Variants in EDEM1 observed in about 807,000 individuals in gnomAD.
EDEM1 encodes the protein ER degradation enhancing alpha-mannosidase like protein 1, also known as ER degradation-enhancing alpha-mannosidase-like protein 1.
EDEM1 carries 67 observed loss-of-function variants against 74.4 expected under a neutral mutation model. The observed-to-expected ratio is 0.90, with a 90% CI of 0.74 to 1.10. EDEM1 has a LOEUF of 1.10. Ranked by LOEUF, EDEM1 falls within the 50% of genes least tolerant of loss-of-function variation. The pLI, the probability that EDEM1 is intolerant of heterozygous loss-of-function variation, is 0.00. For missense variants in EDEM1, 926 were observed against 851.6 expected (o/e 1.09, Z -1.09); for synonymous variants, 382 against 335.9 (o/e 1.14, Z -1.50).
intron 1 of EDEM1, among the ~76,000 whole-genome samples, chr3:5,190,827 ACT>A (rs2054893620): frequency 6.6e-6 from 1 of 151,048 alleles, no homozygotes; most frequent in Admixed American, 6.6e-5. Context: ...AATTTTTTGT[ACT>A]CTCCTTCCTT....
Position 5,201,782 on chromosome 3 carries a change from G to GAAT in EDEM1, c.722_724dup (p.Ile241dup), listed in dbSNP as rs773958229. On this transcript the variant is annotated inframe_insertion, in exon 4 of 12. Coordinates refer to ENST00000256497, the MANE Select transcript of EDEM1 (RefSeq NM_014674.3). Reference sequence around the variant, plus strand: ...CTGGGAAGCCTCCTTTCTGCTCACAGAATAATAACTGACTCCAAGCAGCCC... The same window carrying GAAT: ...CTGGGAAGCCTCCTTTCTGCTCACAGAATAATAATAACTGACTCCAAGCAGCCC... The GAAT allele has an allele frequency of 5.7e-5, 92 of 1,613,994 alleles. No homozygotes were observed. The highest frequency in any genetic ancestry group is 7.4e-5 in the Non-Finnish European group (87 of 1,180,030).
At chr3:5,204,142 A>G (rs563319295) in intron 5 of EDEM1, among the ~76,000 whole-genome samples, 6 of 152,356 alleles carry the variant, frequency 3.9e-5, no homozygotes, top group African/African-American at 1.2e-4. Context: ...TTGTCAGCCT[A>G]TCACCAAATA....
chr3:5,199,463 C>G, intron 2 of EDEM1, 129 bp from the exon 3 acceptor site: 1 of 621,432 alleles, frequency 1.6e-6, no homozygotes, highest in Non-Finnish European at 2.8e-6. Context: ...TTTTCTGTCT[C>G]TTGTGTTTCT....
intron 1 of EDEM1, among the ~76,000 whole-genome samples, chr3:5,189,938 G>T (rs1273343033): frequency 3.3e-5 from 5 of 151,492 alleles, no homozygotes; most frequent in African/African-American, 1.2e-4. Context: ...GAATTATTTG[G>T]CTCACTTAAC....
chr3:5,210,365 A>G, intron 9 of EDEM1, 117 bp downstream of exon 9: 1 of 954,684 alleles, frequency 1.0e-6, no homozygotes, highest in East Asian at 2.6e-5. Flanking sequence ...TTAATGTTAC[A>G]TTTACAGGGA....
intron 2 of EDEM1, among the ~76,000 whole-genome samples, chr3:5,199,319 G>A (rs2055007187): frequency 6.6e-6 from 1 of 152,244 alleles, no homozygotes; most frequent in African/African-American, 2.4e-5. Flanking sequence ...CTGGAGAGTG[G>A]AGTTGGGAAG....
Position 5,188,040 on chromosome 3 carries a change from G to T in EDEM1, c.235G>T (p.Ala79Ser). The T allele has an allele frequency of 7.0e-7, 1 of 1,435,866 alleles. No individual in the cohort carries two copies. Among genetic ancestry groups the T allele is most frequent in the South Asian group, 1.5e-5 (1 of 67,314 alleles). 88.9% of individuals were successfully genotyped at this position (1,435,866 alleles called of 1,614,324 possible). A position where few individuals can be genotyped will look rare whatever the true frequency, so the allele number is the denominator to read the frequency against. ...PSWLQPPGTG[A>S]AQSPRKAPRR... ...GTGGCTGCAGCCGCCGGGGACCGGG[G>T]CAGCGCAGAGCCCGCGCAAGGCTCC... is the stretch of plus-strand genomic sequence containing the variant. Residue 79 changes from alanine to serine, a missense_variant, in exon 1 of 12, where the codon GCA becomes TCA. Ala to Ser is a moderately conservative substitution (Grantham distance 99, BLOSUM62 1). Transcript: ENST00000256497.
chr3:5,192,270 A>G (rs2054910580), intron 1 of EDEM1, among the ~76,000 whole-genome samples: 1 of 152,176 alleles, frequency 6.6e-6, no homozygotes, highest in East Asian at 1.9e-4. Flanking sequence ...GTCTCTCCAG[A>G]TTATCAATCC....
At chr3:5,190,597 G>C (rs2106584920) in intron 1 of EDEM1, among the ~76,000 whole-genome samples, 1 of 152,258 alleles carries the variant, frequency 6.6e-6, no homozygotes, top group Admixed American at 6.5e-5. Flanking sequence ...GTTATGCATT[G>C]GTTTGGTTAT....
chr3:5,188,517 C>T (rs1320121864), intron 1 of EDEM1: 5 of 455,772 alleles, frequency 1.1e-5, no homozygotes, highest in African/African-American at 2.0e-5. Flanking sequence ...TGGCCTTCCT[C>T]TCCTGATTCT....
chr3:5,213,571 A>G, intron 11 of EDEM1, 49 bp downstream of exon 11: 1 of 1,523,264 alleles, frequency 6.6e-7, no homozygotes, highest in South Asian at 1.3e-5. Context: ...AAGAGAAGAT[A>G]CTATGAATTG....
At chr3:5,201,991 T>C in intron 4 of EDEM1, 67 bp downstream of exon 4, 1 of 1,528,598 alleles carries the variant, frequency 6.5e-7, no homozygotes, top group Non-Finnish European at 8.8e-7. Context: ...AATTCTTTGC[T>C]TACTAATTTA....
intron 5 of EDEM1, 126 bp from the exon 6 acceptor site, chr3:5,204,941 T>A: frequency 9.9e-7 from 1 of 1,012,122 alleles, no homozygotes; most frequent in Non-Finnish European, 1.5e-6. Context: ...AGCAACCACC[T>A]CCTTCTCCTG....
At chr3:5,215,653 T>G (rs915602325) in intron 11 of EDEM1, among the ~76,000 whole-genome samples, 176 bp from the exon 12 acceptor site, 1 of 152,168 alleles carries the variant, frequency 6.6e-6, no homozygotes, top group African/African-American at 2.4e-5. Context: ...TGGCACCTAG[T>G]GGGAGAGGCA....
rs996811468 is a variant in EDEM1 at position 5,196,496 on chromosome 3, A to G, written c.582+1215A>G. ...CACACACACACACAAGAATTGGGTA[A>G]TGTGCTAGCCAAGTTTGCATTATGA... On this transcript the variant is annotated intron_variant, in intron 2 of 11. Transcript: ENST00000256497. 2.6e-5 allele frequency among the ~76,000 whole-genome samples: 4 copies of G among 151,990 alleles called. No individual in the cohort carries two copies. In the East Asian group the frequency reaches 7.7e-4, roughly 29 times the overall value.
intron 1 of EDEM1, among the ~76,000 whole-genome samples, chr3:5,192,162 C>G (rs535716912): frequency 2.6e-5 from 4 of 152,162 alleles, no homozygotes; most frequent in Non-Finnish European, 5.9e-5. Flanking sequence ...TTGCTCAGTT[C>G]TTCTTTTGAT....
In EDEM1 at chr3:5,205,122, T is replaced by C; in HGVS notation, c.1098T>C (p.Gly366=). 7 of 1,614,218 alleles carry C rather than the reference T, an allele frequency of 4.3e-6. No individual in the cohort carries two copies. Among genetic ancestry groups the C allele is most frequent in the Non-Finnish European group, 5.9e-6 (7 of 1,180,030 alleles). ...GGGTTGGAAAGCAGAGTGGCCTGGG[T>C]GCCGGGCTGGACTCCTTCTATGAAT... ...GHWVGKQSGL[G]AGLDSFYEYL... The change falls in exon 6 of 12, where the codon GGT becomes GGC. Residue 366 remains glycine, a synonymous_variant. Coordinates refer to ENST00000256497, the MANE Select transcript of EDEM1 (RefSeq NM_014674.3).
chr3:5,199,793 C>A, intron 3 of EDEM1, 98 bp downstream of exon 3: 1 of 932,536 alleles, frequency 1.1e-6, no homozygotes, highest in Non-Finnish European at 1.6e-6. Flanking sequence ...ATGATCCAGG[C>A]AGGGAGTCCA....
chr3:5,202,041 A>G, intron 4 of EDEM1, 117 bp downstream of exon 4: 2 of 1,291,082 alleles, frequency 1.5e-6, no homozygotes, highest in Middle Eastern at 2.8e-4. Context: ...TGAGAAAAGC[A>G]GTGTCCTTAG....
Sources: gnomAD v4.1 joint callset for allele counts (sites outside exome capture counted in the v4.1 genomes callset) on GRCh38, gnomAD v4.1.1 for gene constraint, MANE v1.5 for transcripts, NCBI Gene and HGNC (gene_info 2026-07-23, HGNC 2026-07-21) for gene names.